The following SMARCA5 variants were observed in gnomAD, a reference collection of about 807,000 sequenced individuals.
SMARCA5 encodes SWI/SNF-related matrix-associated actin-dependent regulator of chromatin subfamily A member 5.
Under a neutral mutation model 140.4 loss-of-function variants are expected in SMARCA5, and 18 were observed. The observed-to-expected ratio is 0.13, with a 90% CI of 0.09 to 0.19. SMARCA5 has a LOEUF of 0.19. Among genes scored for constraint, SMARCA5 ranks in the 10% least tolerant of loss-of-function variants. SMARCA5 has a pLI of 1.00. For missense variants in SMARCA5, 606 were observed against 1,276.8 expected (o/e 0.47, Z 8.01); for synonymous variants, 449 against 419.6 (o/e 1.07, Z -0.86).
At chr4:143,521,971 G>C (rs1578792240) in intron 3 of SMARCA5, among the ~76,000 whole-genome samples, 1 of 144,910 alleles carries the variant, frequency 6.9e-6, no homozygotes, top group Admixed American at 6.9e-5. Flanking sequence ...TTTATGAATT[G>C]TAACAATCAT....
intron 21 of SMARCA5, 47 bp downstream of exon 21, chr4:143,547,550 G>C: frequency 1.0e-6 from 1 of 976,010 alleles, no homozygotes; most frequent in Non-Finnish European, 1.7e-6. Context: ...ATAACTCCTA[G>C]CTGTGAGTAT....
intron 1 of SMARCA5, 84 bp downstream of exon 1, chr4:143,514,185 G>A (rs766655213): frequency 1.5e-6 from 2 of 1,302,638 alleles, no homozygotes; most frequent in Non-Finnish European, 2.0e-6. Flanking sequence ...ATCGGACGCA[G>A]AGCCGGGTTT....
chr4:143,545,342 A>T, intron 17 of SMARCA5, 128 bp from the exon 18 acceptor site: 2 of 666,048 alleles, frequency 3.0e-6, no homozygotes, highest in Non-Finnish European at 5.4e-6. Context: ...ATATAAATTC[A>T]GTTTTATTGA....
intron 7 of SMARCA5, among the ~76,000 whole-genome samples, 177 bp downstream of exon 7, chr4:143,528,200 G>T (rs1449465286): frequency 6.6e-6 from 1 of 151,976 alleles, no homozygotes; most frequent in Non-Finnish European, 1.5e-5. Context: ...TTTAAGCCCC[G>T]CATGCATTAG....
At chr4:143,541,009 C>CA (rs1737415298) in intron 14 of SMARCA5, among the ~76,000 whole-genome samples, 1 of 152,114 alleles carries the variant, frequency 6.6e-6, no homozygotes, top group Non-Finnish European at 1.5e-5. Flanking sequence ...GTAAATGGAA[C>CA]AAACAAGTAT....
In SMARCA5 at chr4:143,538,726, G is replaced by A. The variant is rs1737365317; in HGVS notation, c.1617+15G>A. ...ATGAGAGACAAGTGAGTAAAATTTG[G>A]GGAGGGAGATAAAAAAGAATCAGAT... On this transcript the variant is annotated intron_variant, in intron 12 of 23. Transcript: ENST00000283131. The A allele has an allele frequency of 6.2e-7, 1 of 1,613,622 alleles. No homozygotes were observed. Among genetic ancestry groups the A allele is most frequent in the South Asian group, 1.1e-5 (1 of 91,046 alleles).
chr4:143,542,083 C>T (rs529479243), intron 14 of SMARCA5, among the ~76,000 whole-genome samples: 1 of 152,190 alleles, frequency 6.6e-6, no homozygotes, highest in South Asian at 2.1e-4. Context: ...TGGTCTTGAA[C>T]TCCTGACCTC....
intron 22 of SMARCA5, 85 bp from the exon 23 acceptor site, chr4:143,549,912 C>A: frequency 4.5e-6 from 3 of 663,196 alleles, no homozygotes; most frequent in Admixed American, 2.8e-5. Context: ...TATATATTAT[C>A]CTATTAAAAC....
At position 143,556,247 on chromosome 4, in the gene SMARCA5, T is replaced by A. The variant is rs554432380; in HGVS notation, c.*3063T>A. ...CCTTTGAGTATTTAATATATGCCGA[T>A]TGTTTGAACTAATCTGGATTTAATT... On this transcript the variant is annotated 3_prime_UTR_variant, in exon 24 of 24. Coordinates refer to ENST00000283131, the MANE Select transcript of SMARCA5 (RefSeq NM_003601.4). The A allele has an allele frequency of 6.6e-6, 1 of 152,208 alleles. No individual in the cohort carries two copies. The highest frequency in any genetic ancestry group is 2.4e-5 in the African/African-American group (1 of 41,450). 9.4% of individuals were successfully genotyped at this position (152,208 alleles called of 1,614,324 possible).
chr4:143,539,080 G>GGAAGATCACCTCAAT, intron 13 of SMARCA5, 142 bp downstream of exon 13: 1 of 744,064 alleles, frequency 1.3e-6, no homozygotes. Flanking sequence ...ATATTGAGGT[G>GGAAGATCACCTCAAT]ATCTTCCATC....
chr4:143,553,053 G>A (rs1737677010), intron 23 of SMARCA5, 66 bp from the exon 24 acceptor site: 2 of 1,170,450 alleles, frequency 1.7e-6, no homozygotes, highest in South Asian at 1.2e-5. Context: ...GTGTTATAAT[G>A]TGTCTGCAAC....
At chr4:143,522,465 G>GT (rs1736982244) in intron 3 of SMARCA5, among the ~76,000 whole-genome samples, 1 of 152,202 alleles carries the variant, frequency 6.6e-6, no homozygotes, top group South Asian at 2.1e-4. Flanking sequence ...AAAAGAAGAA[G>GT]TATCAACAAG....
intron 13 of SMARCA5, 61 bp downstream of exon 13, chr4:143,538,999 A>C (rs376094745): frequency 3.3e-5 from 46 of 1,392,010 alleles, no homozygotes; most frequent in Middle Eastern, 1.8e-4. Context: ...AGGACAGGCT[A>C]ATTCTACAAA....
intron 9 of SMARCA5, among the ~76,000 whole-genome samples, chr4:143,533,395 C>G (rs773243761): frequency 3.9e-5 from 6 of 151,994 alleles, no homozygotes; most frequent in Admixed American, 3.3e-4. Context: ...GAACTGTACA[C>G]TCATGATTTA....
intron 6 of SMARCA5, among the ~76,000 whole-genome samples, chr4:143,527,065 G>A (rs1295490051): frequency 6.6e-6 from 1 of 152,188 alleles, no homozygotes; most frequent in African/African-American, 2.4e-5. Context: ...ATGAATGTGT[G>A]TAGTGGTAAT....
rs148037569 is a variant in SMARCA5, at chr4:143,544,876, T to C, written c.2283+29T>C. ...AGTTGACTGACACAGCATAAAAATA[T>C]CTAAAAATTTTGAAAATGTAATTTT... On this transcript the variant is annotated intron_variant, in intron 17 of 23. Transcript: ENST00000283131. The C allele has an allele frequency of 7.6e-3, 8,994 of 1,186,182 alleles. 88 individuals carry two copies. Among genetic ancestry groups the C allele is most frequent in the South Asian group, 0.022 (1,634 of 75,868 alleles). 73.5% of individuals were successfully genotyped at this position (1,186,182 alleles called of 1,614,324 possible). A position where few individuals can be genotyped will look rare whatever the true frequency, so the allele number is the denominator to read the frequency against.
At chr4:143,551,789 A>G (rs1226158688) in intron 23 of SMARCA5, among the ~76,000 whole-genome samples, 1 of 152,090 alleles carries the variant, frequency 6.6e-6, no homozygotes, top group Admixed American at 6.6e-5. Context: ...TTTCTATACC[A>G]GCACCATGCT....
In SMARCA5 at chr4:143,545,940, G is replaced by A; in HGVS notation, c.2413G>A (p.Glu805Lys). 1.2e-6 allele frequency: 2 copies of A among 1,603,980 alleles called. No homozygotes were observed. The highest frequency in any genetic ancestry group is 1.7e-6 in the Non-Finnish European group (2 of 1,176,806). The change falls in exon 19 of 24, where the codon GAG (glutamate) becomes AAG (lysine). Residue 805 changes from glutamate to lysine, a missense_variant. Coordinates refer to ENST00000283131, the MANE Select transcript of SMARCA5 (RefSeq NM_003601.4). ...TATCTTTTAGGTACCTCGAAATCCT[G>A]AGCTGCCTAATGCAGCACAGGCACA... Reference protein sequence around the residue: ...TIGYKVPRNPELPNAAQAQKE... With the variant: ...TIGYKVPRNPKLPNAAQAQKE...
At chr4:143,520,687 G>A (rs1736939256) in intron 2 of SMARCA5, among the ~76,000 whole-genome samples, 1 of 152,058 alleles carries the variant, frequency 6.6e-6, no homozygotes, top group Admixed American at 6.6e-5. Context: ...AGCTTTTCTT[G>A]TCTTGCTTCT....
Sources: allele counts gnomAD v4.1 joint callset (sites outside exome capture counted in the v4.1 genomes callset), GRCh38; gene constraint gnomAD v4.1.1; transcripts MANE v1.5; gene names NCBI Gene and HGNC (gene_info 2026-07-23, HGNC 2026-07-21).